The following ARHGAP15 variants were observed in gnomAD, a reference collection of about 807,000 sequenced individuals.
The protein encoded by ARHGAP15 is Rho GTPase activating protein 15.
ARHGAP15 carries 51 observed loss-of-function variants against 63.7 expected under a neutral mutation model. That is an observed-to-expected ratio of 0.80 (90% CI 0.64 to 1.01). The LOEUF is 1.01. Ranked by LOEUF, ARHGAP15 falls within the 50% of genes least tolerant of loss-of-function variation. ARHGAP15 has a pLI of 0.00. For synonymous variants in ARHGAP15, 191 were observed against 193.8 expected, an observed-to-expected ratio of 0.99 and a Z score of 0.12; for missense variants, 560 against 564.6, an observed-to-expected ratio of 0.99 and a Z score of 0.08.
chr2:143,237,269 T>G (rs1235493511), intron 5 of ARHGAP15: 1 of 152,104 alleles, frequency 6.6e-6, no homozygotes, highest in Non-Finnish European at 1.5e-5. Context: ...TTCTAAAAAT[T>G]TATGCAAATA....
At chr2:143,236,019 A>T (rs541548050) in intron 5 of ARHGAP15, 2 of 1,535,058 alleles carry the variant, frequency 1.3e-6, no homozygotes, top group East Asian at 2.5e-5. Context: ...TTTTGGTTAA[A>T]CAAAACCCAT....
intron 6 of ARHGAP15, among the ~76,000 whole-genome samples, chr2:143,335,794 G>C (rs1364342213): frequency 6.6e-6 from 1 of 152,070 alleles, no homozygotes; most frequent in African/African-American, 2.4e-5. Context: ...TACCCAGACT[G>C]GGAAAAGCCA....
At chr2:143,766,182 C>T (rs983637042) in intron 13 of ARHGAP15, among the ~76,000 whole-genome samples, 2 of 152,124 alleles carry the variant, frequency 1.3e-5, no homozygotes, top group Non-Finnish European at 2.9e-5. Flanking sequence ...TCTGTGGTTT[C>T]ACTTTCCACG....
At chr2:143,369,485 A>C (rs184819845) in intron 6 of ARHGAP15, among the ~76,000 whole-genome samples, 1 of 152,068 alleles carries the variant, frequency 6.6e-6, no homozygotes, top group Non-Finnish European at 1.5e-5. Flanking sequence ...ATAGCATATA[A>C]TTTTTTTAAT....
At chr2:143,761,507 A>G (rs1460126288) in intron 13 of ARHGAP15, among the ~76,000 whole-genome samples, 1 of 147,852 alleles carries the variant, frequency 6.8e-6, no homozygotes, top group Non-Finnish European at 1.5e-5. Flanking sequence ...AGCAAAGCAC[A>G]AACTTAAAAG....
chr2:143,227,898 A>AT (rs1215631771), intron 4 of ARHGAP15, among the ~76,000 whole-genome samples: 2 of 152,110 alleles, frequency 1.3e-5, no homozygotes, highest in African/African-American at 4.8e-5. Flanking sequence ...ATTTTTAGGG[A>AT]TTTTTAAAAA....
At chr2:143,203,407 T>C (rs1192361003) in intron 3 of ARHGAP15, among the ~76,000 whole-genome samples, 1 of 152,152 alleles carries the variant, frequency 6.6e-6, no homozygotes, top group African/African-American at 2.4e-5. Context: ...TCCAGGTCAC[T>C]GATTGCCTCC....
intron 6 of ARHGAP15, among the ~76,000 whole-genome samples, chr2:143,349,304 C>G (rs1685453029): frequency 6.6e-6 from 1 of 152,174 alleles, no homozygotes; most frequent in Non-Finnish European, 1.5e-5. Flanking sequence ...ATCAATTCAT[C>G]AAAGTCTATT....
In ARHGAP15 at chr2:143,397,338, G is replaced by GTT. The variant is rs1406236874; in HGVS notation, c.475-38262_475-38261insTT. On this transcript the variant is annotated intron_variant, in intron 6 of 13. Transcript: ENST00000295095. ...TGTATGTGTGTGTGTGTGTGTGTGT[G>GTT]TGTGTGTGTATATATATATCTCCAA... Among the ~76,000 whole-genome samples the GTT allele has an allele frequency of 5.4e-5, 8 of 148,734 alleles. No homozygotes were observed. In the South Asian group the frequency reaches 1.5e-3, roughly 28 times the overall value.
At chr2:143,697,976 G>C (rs1683924673) in intron 12 of ARHGAP15, among the ~76,000 whole-genome samples, 1 of 152,180 alleles carries the variant, frequency 6.6e-6, no homozygotes, top group East Asian at 1.9e-4. Flanking sequence ...TTTCATACAG[G>C]GTGCATTAGA....
chr2:143,408,324 A>G (rs1457469715), intron 6 of ARHGAP15, among the ~76,000 whole-genome samples: 1 of 150,530 alleles, frequency 6.6e-6, no homozygotes, highest in Non-Finnish European at 1.5e-5. Flanking sequence ...AAATTTTTAT[A>G]TAATTTTTTT....
chr2:143,190,840 G>A (rs552228886), intron 2 of ARHGAP15, among the ~76,000 whole-genome samples: 3 of 152,236 alleles, frequency 2.0e-5, no homozygotes, highest in East Asian at 1.9e-4. Context: ...GTGCAATCTC[G>A]GCTCACTGCA....
chr2:143,509,894 G>A (rs1261281652), intron 9 of ARHGAP15, among the ~76,000 whole-genome samples: 1 of 151,774 alleles, frequency 6.6e-6, no homozygotes, highest in Non-Finnish European at 1.5e-5. Context: ...GCTGGCGCAT[G>A]CCTGTAATCC....
intron 11 of ARHGAP15, among the ~76,000 whole-genome samples, chr2:143,569,363 T>C (rs2105116250): frequency 6.6e-6 from 1 of 152,316 alleles, no homozygotes; most frequent in East Asian, 1.9e-4. Flanking sequence ...TCAGAAATTA[T>C]AATCAAGATC....
intron 13 of ARHGAP15, among the ~76,000 whole-genome samples, chr2:143,758,746 A>G (rs1436922148): frequency 6.6e-6 from 1 of 152,206 alleles, no homozygotes; most frequent in Admixed American, 6.5e-5. Flanking sequence ...AGGAAAAAAG[A>G]GCCATAACTT....
chr2:143,191,698 A>G (rs779323754), intron 2 of ARHGAP15, among the ~76,000 whole-genome samples: 10 of 152,238 alleles, frequency 6.6e-5, no homozygotes, highest in Non-Finnish European at 7.3e-5. Flanking sequence ...CAATCAGATT[A>G]ATGAGTTTTG....
intron 2 of ARHGAP15, among the ~76,000 whole-genome samples, chr2:143,201,257 A>C (rs1367985702): frequency 6.6e-6 from 1 of 151,556 alleles, no homozygotes; most frequent in African/African-American, 2.4e-5. Flanking sequence ...CTGACTGACT[A>C]TAGGTGTGTG....
intron 6 of ARHGAP15, among the ~76,000 whole-genome samples, chr2:143,331,205 T>C (rs79363232): frequency 1.4e-3 from 208 of 152,276 alleles, no homozygotes; most frequent in Non-Finnish European, 2.6e-3. Flanking sequence ...AACTACATTT[T>C]AGCAATATAT....
chr2:143,720,478 A>C (rs1019972053), intron 13 of ARHGAP15, among the ~76,000 whole-genome samples: 1 of 152,170 alleles, frequency 6.6e-6, no homozygotes. Context: ...AGAAGAGCCT[A>C]ATGGCGTCAA....
Sources: allele counts gnomAD v4.1 joint callset (sites outside exome capture counted in the v4.1 genomes callset), GRCh38; gene constraint gnomAD v4.1.1; transcripts MANE v1.5; gene names NCBI Gene and HGNC (gene_info 2026-07-23, HGNC 2026-07-21).